The following SLC35F4 variants were observed in gnomAD, a reference collection of about 807,000 sequenced individuals.
SLC35F4 encodes the protein chromosome 14 open reading frame 36.
A neutral mutation model predicts 44.2 loss-of-function variants in SLC35F4; 24 were observed. The observed-to-expected ratio is 0.54, with a 90% CI of 0.39 to 0.76. The LOEUF (loss-of-function observed/expected upper bound fraction) is 0.76. Among genes scored for constraint, SLC35F4 ranks in the 30% least tolerant of loss-of-function variants. SLC35F4 has a pLI of 0.00. For synonymous variants in SLC35F4, 238 were observed against 223.6 expected (o/e 1.06, Z -0.57); for missense variants, 562 against 586.1 (o/e 0.96, Z 0.42).
chr14:57,585,577 A>G (rs2069648592), intron 3 of SLC35F4, among the ~76,000 whole-genome samples: 1 of 152,202 alleles, frequency 6.6e-6, no homozygotes, highest in Admixed American at 6.5e-5. Flanking sequence ...TGACATGATT[A>G]TCTATTAAGA....
At chr14:57,640,341 A>T (rs1289176479) in intron 1 of SLC35F4, among the ~76,000 whole-genome samples, 2 of 152,068 alleles carry the variant, frequency 1.3e-5, no homozygotes, top group Non-Finnish European at 2.9e-5. Flanking sequence ...ACTGACAAAA[A>T]AGAGATAAAG....
At position 57,866,066 on chromosome 14, in the gene SLC35F4, C is replaced by T; in HGVS notation, c.-241G>A. On this transcript the variant is annotated 5_prime_UTR_variant, in exon 1 of 8. Transcript: ENST00000556826. ...CCGTCAGCCTGGCAGCTCTCCCGCG[C>T]GCCACCCGGAGCACTGCTGCCCGAA... 3.7e-6 allele frequency: 1 copy of T among 271,004 alleles called. No individual in the cohort carries two copies. The highest frequency in any genetic ancestry group is 5.6e-5 in the Admixed American group (1 of 17,834). 16.8% of individuals were successfully genotyped at this position (271,004 alleles called of 1,614,324 possible).
chr14:57,718,234 C>T (rs2075993678), intron 1 of SLC35F4, among the ~76,000 whole-genome samples: 1 of 152,142 alleles, frequency 6.6e-6, no homozygotes, highest in Non-Finnish European at 1.5e-5. Context: ...TTTTCTTTAT[C>T]CATTCCTCTG....
intron 6 of SLC35F4, among the ~76,000 whole-genome samples, chr14:57,566,769 T>C (rs2068229303): frequency 6.6e-6 from 1 of 152,212 alleles, no homozygotes; most frequent in Non-Finnish European, 1.5e-5. Flanking sequence ...TCTCTTTACC[T>C]GAATCTTGCC....
chr14:57,677,085 A>C (rs1317398638), intron 1 of SLC35F4, among the ~76,000 whole-genome samples: 1 of 152,132 alleles, frequency 6.6e-6, no homozygotes, highest in Non-Finnish European at 1.5e-5. Flanking sequence ...TTAGCCATAA[A>C]AAGGAGCAAA....
chr14:57,756,530 TCTG>T (rs1786174707), intron 1 of SLC35F4, among the ~76,000 whole-genome samples: 1 of 151,994 alleles, frequency 6.6e-6, no homozygotes, highest in South Asian at 2.1e-4. Flanking sequence ...CTGTGTGTTT[TCTG>T]CTGTTTTGTA....
intron 1 of SLC35F4, among the ~76,000 whole-genome samples, chr14:57,662,335 CA>C (rs1157492132): frequency 9.2e-5 from 14 of 152,132 alleles, no homozygotes; most frequent in Non-Finnish European, 1.8e-4. Context: ...TTGGTCCCAG[CA>C]AAACTTATAT....
chr14:57,625,036 A>C (rs1038123291), intron 1 of SLC35F4, among the ~76,000 whole-genome samples: 1 of 152,146 alleles, frequency 6.6e-6, no homozygotes, highest in Non-Finnish European at 1.5e-5. Context: ...CAGATGACGC[A>C]ATTGTATATT....
intron 1 of SLC35F4, among the ~76,000 whole-genome samples, chr14:57,657,395 A>G (rs17724918): frequency 0.17 from 25,737 of 152,162 alleles, 2,318 homozygotes; most frequent in South Asian, 0.22. Context: ...ATCTCATGCT[A>G]TGGGTCTATT....
At chr14:57,809,006 G>A (rs1323737716) in intron 1 of SLC35F4, among the ~76,000 whole-genome samples, 1 of 152,086 alleles carries the variant, frequency 6.6e-6, no homozygotes, top group African/African-American at 2.4e-5. Flanking sequence ...TTTACATAGT[G>A]GCATTTTTTG....
chr14:57,876,466 C>T (rs1888402738), intron 1 of SLC35F4, among the ~76,000 whole-genome samples: 1 of 152,080 alleles, frequency 6.6e-6, no homozygotes. Flanking sequence ...TTCTGTGACT[C>T]AGAAAAAGAC....
rs771306179 is a variant in SLC35F4 at position 57,848,303 on chromosome 14, C to T, written c.103+17420G>A. On this transcript the variant is annotated intron_variant, in intron 1 of 7. Coordinates refer to ENST00000556826, the MANE Select transcript of SLC35F4 (RefSeq NM_001306087.2). ...TGGCAAAGGGCAGAGGTTTATTCTC[C>T]GAAGATGCTCAAACAAAACTCTACA... is the stretch of plus-strand genomic sequence containing the variant. 2.6e-5 allele frequency among the ~76,000 whole-genome samples: 4 copies of T among 152,242 alleles called. No homozygotes were observed. In the East Asian group the frequency reaches 5.8e-4, roughly 22 times the overall value.
intron 1 of SLC35F4, among the ~76,000 whole-genome samples, chr14:57,728,741 G>C (rs753538268): frequency 6.6e-6 from 1 of 151,964 alleles, no homozygotes; most frequent in African/African-American, 2.4e-5. Context: ...GGGATTACAC[G>C]CATGAGCCAC....
In SLC35F4 at chr14:57,701,100, G is replaced by C. The variant is rs146827478; in HGVS notation, c.104-106976C>G. Among the ~76,000 whole-genome samples the C allele has an allele frequency of 4.5e-4, 69 of 152,210 alleles. No homozygotes were observed. In the Middle Eastern group the frequency reaches 0.01, roughly 23 times the overall value. On this transcript the variant is annotated intron_variant, in intron 1 of 7. Coordinates refer to ENST00000556826, the MANE Select transcript of SLC35F4 (RefSeq NM_001306087.2). ...AGTACTCCCACTTTGGCCTCCCAAA[G>C]TGCTGGGATTATAGGCGTAAGCCAC...
At chr14:57,850,580 T>G (rs1886464768) in intron 1 of SLC35F4, among the ~76,000 whole-genome samples, 1 of 152,188 alleles carries the variant, frequency 6.6e-6, no homozygotes. Context: ...GAGAAACTGA[T>G]TCATAGCTTT....
chr14:57,798,761 T>C (rs2078115404), intron 1 of SLC35F4, among the ~76,000 whole-genome samples: 1 of 152,232 alleles, frequency 6.6e-6, no homozygotes, highest in Admixed American at 6.5e-5. Context: ...TATGCTTCTC[T>C]ATTGGAGCCA....
At chr14:57,766,911 T>C (rs1394805765) in intron 1 of SLC35F4, among the ~76,000 whole-genome samples, 1 of 152,216 alleles carries the variant, frequency 6.6e-6, no homozygotes, top group East Asian at 1.9e-4. Flanking sequence ...AGCCCATCTA[T>C]ATGCTGTTTA....
chr14:57,832,395 G>A (rs1884467339), intron 1 of SLC35F4, among the ~76,000 whole-genome samples: 1 of 152,110 alleles, frequency 6.6e-6, no homozygotes, highest in Non-Finnish European at 1.5e-5. Flanking sequence ...TTAATACATA[G>A]AAGAAGAATA....
intron 1 of SLC35F4, among the ~76,000 whole-genome samples, chr14:57,798,773 C>T: frequency 6.6e-6 from 1 of 152,148 alleles, no homozygotes; most frequent in East Asian, 1.9e-4. Flanking sequence ...TTGGAGCCAG[C>T]GGCACGTCCT....
Sources: gnomAD v4.1 joint callset for allele counts (sites outside exome capture counted in the v4.1 genomes callset) on GRCh38, gnomAD v4.1.1 for gene constraint, MANE v1.5 for transcripts, NCBI Gene and HGNC (gene_info 2026-07-23, HGNC 2026-07-21) for gene names.